Variants in JMJD1C observed in about 807,000 individuals in gnomAD.
The protein encoded by JMJD1C is jumonji domain-containing protein 1C.
In JMJD1C, 31 loss-of-function variants were observed where a neutral mutation model predicts 245.3. That is an observed-to-expected ratio of 0.13 (90% CI 0.09 to 0.17). The LOEUF (loss-of-function observed/expected upper bound fraction) is 0.17. JMJD1C is among the 10% of genes least tolerant of loss of function. The probability of loss-of-function intolerance (pLI) is 1.00; values close to 1 mark genes in which losing one functional copy is unlikely to be tolerated. For synonymous variants in JMJD1C, 1,057 were observed against 1,017.4 expected, an observed-to-expected ratio of 1.04 and a Z score of -0.74; for missense variants, 2,691 against 3,000.2, an observed-to-expected ratio of 0.90 and a Z score of 2.41.
At chr10:63,407,939 G>A (rs981677949) in intron 1 of JMJD1C, among the ~76,000 whole-genome samples, 1 of 151,988 alleles carries the variant, frequency 6.6e-6, no homozygotes, top group African/African-American at 2.4e-5. Context: ...AAGGATATAG[G>A]AGACAAAGGG....
intron 2 of JMJD1C, among the ~76,000 whole-genome samples, chr10:63,323,683 A>T (rs1459784854): frequency 2.0e-5 from 3 of 152,226 alleles, no homozygotes; most frequent in Non-Finnish European, 2.9e-5. Context: ...ATATAAAATG[A>T]GATGGCTAGT....
intron 3 of JMJD1C, among the ~76,000 whole-genome samples, chr10:63,234,500 A>C (rs1850431812): frequency 7.1e-6 from 1 of 140,662 alleles, no homozygotes; most frequent in South Asian, 2.1e-4. Context: ...TCTTAAAAAA[A>C]AAAAAAAAAA....
chr10:63,393,666 T>A (rs1188019001), intron 1 of JMJD1C, among the ~76,000 whole-genome samples: 1 of 152,044 alleles, frequency 6.6e-6, no homozygotes, highest in Admixed American at 6.6e-5. Flanking sequence ...GTGAAGAAAA[T>A]GTAGAATATA....
chr10:63,268,245 A>G (rs1239089017), intron 2 of JMJD1C, among the ~76,000 whole-genome samples: 2 of 152,108 alleles, frequency 1.3e-5, no homozygotes, highest in East Asian at 3.9e-4. Context: ...AAAAAAAAAA[A>G]AAAAGGACTG....
chr10:63,485,771 C>T (rs1205574549), intron 1 of JMJD1C, among the ~76,000 whole-genome samples: 2 of 152,038 alleles, frequency 1.3e-5, no homozygotes, highest in Non-Finnish European at 2.9e-5. Flanking sequence ...CTTTATCTAA[C>T]CAGCAATTAA....
chr10:63,345,088 T>C (rs1241752509), intron 2 of JMJD1C, among the ~76,000 whole-genome samples: 4 of 152,238 alleles, frequency 2.6e-5, no homozygotes, highest in Non-Finnish European at 5.9e-5. Flanking sequence ...TGTATGTTTT[T>C]AGGAGCATGA....
chr10:63,261,020 C>G (rs898292853), intron 3 of JMJD1C, among the ~76,000 whole-genome samples: 3 of 152,100 alleles, frequency 2.0e-5, no homozygotes, highest in Admixed American at 6.6e-5. Context: ...TCCCTTCCCC[C>G]CTACTTCAAA....
intron 2 of JMJD1C, among the ~76,000 whole-genome samples, chr10:63,353,220 T>A (rs760397470): frequency 3.3e-5 from 5 of 152,136 alleles, no homozygotes; most frequent in African/African-American, 1.2e-4. Flanking sequence ...GAGAGAACAG[T>A]ATATGCAATA....
intron 1 of JMJD1C, among the ~76,000 whole-genome samples, chr10:63,481,782 TAG>T (rs1953838447): frequency 5.9e-5 from 9 of 151,848 alleles, no homozygotes; most frequent in African/African-American, 2.4e-5. Flanking sequence ...CAAAACAAGG[TAG>T]TAAGACACAC....
chr10:63,237,933 G>A (rs1850942368), intron 3 of JMJD1C, among the ~76,000 whole-genome samples: 2 of 144,976 alleles, frequency 1.4e-5, no homozygotes, highest in African/African-American at 5.1e-5. Flanking sequence ...CACTTTGGGA[G>A]ACCAAGGTGA....
chr10:63,215,819 G>A (rs1190155108), intron 5 of JMJD1C, 123 bp from the exon 6 acceptor site: 2 of 605,556 alleles, frequency 3.3e-6, no homozygotes, highest in Non-Finnish European at 5.2e-6. Flanking sequence ...TTTATAAGAT[G>A]CTGTTATAAT....
intron 3 of JMJD1C, among the ~76,000 whole-genome samples, chr10:63,230,380 T>C (rs9414778): frequency 0.015 from 2,266 of 151,996 alleles, 51 homozygotes; most frequent in African/African-American, 0.052. Context: ...TTCGAAAAAA[T>C]TCCACCACTT....
intron 2 of JMJD1C, among the ~76,000 whole-genome samples, chr10:63,341,036 T>C (rs1413274746): frequency 6.6e-6 from 1 of 152,180 alleles, no homozygotes; most frequent in African/African-American, 2.4e-5. Context: ...AAGCTAAAAA[T>C]GAAGATTTCA....
intron 3 of JMJD1C, chr10:63,222,596 CTTCA>C: frequency 6.3e-7 from 1 of 1,596,680 alleles, no homozygotes; most frequent in Non-Finnish European, 8.6e-7. Flanking sequence ...ACCAATGTTT[CTTCA>C]TTGTCGAAAC....
chr10:63,294,277 C>A (rs1859115140), intron 2 of JMJD1C, among the ~76,000 whole-genome samples: 1 of 150,974 alleles, frequency 6.6e-6, no homozygotes, highest in Admixed American at 6.6e-5. Context: ...CTGTTCAGTT[C>A]AATCTTTTTT....
chr10:63,504,055 T>C (rs953534602), intron 1 of JMJD1C, among the ~76,000 whole-genome samples: 10 of 152,226 alleles, frequency 6.6e-5, no homozygotes, highest in African/African-American at 2.4e-4. Context: ...CTGTTATGGC[T>C]GATTTTGGTT....
intron 1 of JMJD1C, among the ~76,000 whole-genome samples, chr10:63,430,567 G>A (rs10761766): frequency 0.42 from 63,934 of 151,880 alleles, 14,187 homozygotes; most frequent in South Asian, 0.54. Flanking sequence ...GTAGATAAGC[G>A]GTTGCCAAAG....
At chr10:63,192,785 A>C (rs1169204884) in intron 16 of JMJD1C, among the ~76,000 whole-genome samples, 153 bp downstream of exon 16, 1 of 152,184 alleles carries the variant, frequency 6.6e-6, no homozygotes, top group East Asian at 1.9e-4. Context: ...TGAAGACAAA[A>C]TGTTTTACAT....
intron 1 of JMJD1C, among the ~76,000 whole-genome samples, chr10:63,425,234 A>G (rs1461909897): frequency 6.6e-6 from 1 of 152,218 alleles, no homozygotes; most frequent in African/African-American, 2.4e-5. Flanking sequence ...ACATGAAGCT[A>G]TTAATACTAT....
Sources: gnomAD v4.1 joint callset for allele counts (sites outside exome capture counted in the v4.1 genomes callset) on GRCh38, gnomAD v4.1.1 for gene constraint, MANE v1.5 for transcripts, NCBI Gene and HGNC (gene_info 2026-07-23, HGNC 2026-07-21) for gene names.